The following GRIA4 variants were observed in gnomAD, a reference collection of about 807,000 sequenced individuals.
The protein encoded by GRIA4 is glutamate ionotropic receptor AMPA type subunit 4, also known as glutamate receptor 4.
A neutral mutation model predicts 104.0 loss-of-function variants in GRIA4; 34 were observed. The ratio of observed to expected loss-of-function variants is 0.33; its 90% CI spans 0.25 to 0.44. The LOEUF (loss-of-function observed/expected upper bound fraction) is 0.44, where lower values mean the gene tolerates loss of function less well. GRIA4 is among the 20% of genes least tolerant of loss of function. The pLI, the probability that GRIA4 is intolerant of heterozygous loss-of-function variation, is 1.00. For missense variants in GRIA4, 750 were observed against 1,096.5 expected (o/e 0.68, Z 4.46); for synonymous variants, 386 against 381.9 (o/e 1.01, Z -0.13).
chr11:105,726,440 G>A (rs985412505), intron 3 of GRIA4, among the ~76,000 whole-genome samples: 1 of 152,122 alleles, frequency 6.6e-6, no homozygotes, highest in Non-Finnish European at 1.5e-5. Context: ...AGGGCACCTG[G>A]GGGGAGGGGC....
chr11:105,633,631 T>G (rs569035730), intron 3 of GRIA4, among the ~76,000 whole-genome samples: 2 of 152,188 alleles, frequency 1.3e-5, no homozygotes, highest in Non-Finnish European at 2.9e-5. Flanking sequence ...AAAGAGTCTA[T>G]AGATGTAACT....
At chr11:105,679,198 A>T (rs1565458117) in intron 3 of GRIA4, among the ~76,000 whole-genome samples, 1 of 152,118 alleles carries the variant, frequency 6.6e-6, no homozygotes, top group African/African-American at 2.4e-5. Flanking sequence ...TGAGGATATC[A>T]GTCTTTATTT....
chr11:105,954,918 ATATATATATATAATGCCATATAAAATGT>A (rs1948547043), intron 14 of GRIA4, among the ~76,000 whole-genome samples: 2 of 148,876 alleles, frequency 1.3e-5, no homozygotes, highest in African/African-American at 4.9e-5. Flanking sequence ...ATTTATATAT[ATATATATATATAATGCCATATAAAATGT>A]TATATATATA....
At chr11:105,650,595 T>C (rs1488378060) in intron 3 of GRIA4, among the ~76,000 whole-genome samples, 1 of 152,144 alleles carries the variant, frequency 6.6e-6, no homozygotes, top group Non-Finnish European at 1.5e-5. Flanking sequence ...CTAATCAAAG[T>C]GTTTCAACTT....
At chr11:105,765,095 T>C (rs901238344) in intron 4 of GRIA4, among the ~76,000 whole-genome samples, 6 of 152,062 alleles carry the variant, frequency 3.9e-5, no homozygotes, top group African/African-American at 1.2e-4. Context: ...CTATATGGGG[T>C]CTAAGATTTG....
At chr11:105,730,583 A>G (rs1204050374) in intron 3 of GRIA4, among the ~76,000 whole-genome samples, 3 of 152,162 alleles carry the variant, frequency 2.0e-5, no homozygotes, top group Admixed American at 2.0e-4. Flanking sequence ...AATCCAAAGC[A>G]AAAAGAACAA....
intron 6 of GRIA4, among the ~76,000 whole-genome samples, chr11:105,887,895 G>A (rs1338735379): frequency 6.6e-6 from 1 of 152,050 alleles, no homozygotes; most frequent in Non-Finnish European, 1.5e-5. Flanking sequence ...CCAATATTTG[G>A]ATATTATAAG....
chr11:105,800,109 A>G (rs532257217), intron 4 of GRIA4, among the ~76,000 whole-genome samples: 8 of 152,144 alleles, frequency 5.3e-5, no homozygotes, highest in African/African-American at 1.9e-4. Flanking sequence ...AAGTAGGTCC[A>G]ATAGATTAAT....
intron 4 of GRIA4, among the ~76,000 whole-genome samples, chr11:105,843,349 G>T (rs1179583387): frequency 6.6e-6 from 1 of 152,106 alleles, no homozygotes; most frequent in Non-Finnish European, 1.5e-5. Context: ...ATACTACTGG[G>T]TTTATTTAAA....
At chr11:105,748,673 G>C (rs549239346) in intron 3 of GRIA4, among the ~76,000 whole-genome samples, 1 of 152,134 alleles carries the variant, frequency 6.6e-6, no homozygotes, top group East Asian at 1.9e-4. Context: ...ATGAGCCACC[G>C]CGCCCCGCCC....
chr11:105,956,795 C>T (rs1291341969), intron 14 of GRIA4, among the ~76,000 whole-genome samples: 1 of 152,154 alleles, frequency 6.6e-6, no homozygotes, highest in Admixed American at 6.5e-5. Context: ...TTAATGATTG[C>T]CATTCTAACT....
chr11:105,805,317 C>T (rs748489772), intron 4 of GRIA4, among the ~76,000 whole-genome samples: 2 of 151,074 alleles, frequency 1.3e-5, no homozygotes, highest in Admixed American at 1.3e-4. Context: ...ATAGAAAAGG[C>T]GAAGCGATCA....
chr11:105,893,894 T>C (rs1408964327), intron 6 of GRIA4, among the ~76,000 whole-genome samples: 1 of 152,196 alleles, frequency 6.6e-6, no homozygotes, highest in Admixed American at 6.6e-5. Context: ...TAGCTGGAGA[T>C]TGATGGACAG....
chr11:105,893,226 T>G (rs2136113692), intron 6 of GRIA4, among the ~76,000 whole-genome samples: 1 of 152,220 alleles, frequency 6.6e-6, no homozygotes, highest in South Asian at 2.1e-4. Context: ...ACCACTGATT[T>G]CTTCCTGACT....
intron 4 of GRIA4, among the ~76,000 whole-genome samples, chr11:105,769,032 A>G (rs1941085590): frequency 6.6e-6 from 1 of 152,098 alleles, no homozygotes; most frequent in African/African-American, 2.4e-5. Context: ...CTAGGGATCA[A>G]CATTCATGGA....
intron 14 of GRIA4, among the ~76,000 whole-genome samples, chr11:105,959,253 A>G (rs1245612344): frequency 6.6e-6 from 1 of 152,088 alleles, no homozygotes; most frequent in East Asian, 1.9e-4. Context: ...ACTCAAATCA[A>G]TCGTAGGTTC....
intron 14 of GRIA4, among the ~76,000 whole-genome samples, chr11:105,960,593 TGCC>T (rs1948716022): frequency 1.3e-5 from 2 of 152,188 alleles, no homozygotes; most frequent in Middle Eastern, 3.2e-3. Context: ...CAGTACTGGC[TGCC>T]GCCCCTCCCC....
chr11:105,628,303 A>G (rs1420465737), intron 3 of GRIA4, among the ~76,000 whole-genome samples: 1 of 152,230 alleles, frequency 6.6e-6, no homozygotes, highest in Non-Finnish European at 1.5e-5. Flanking sequence ...GAATAACTTT[A>G]TAAATCACTA....
intron 3 of GRIA4, among the ~76,000 whole-genome samples, chr11:105,632,923 A>T (rs1327473970): frequency 6.6e-6 from 1 of 152,208 alleles, no homozygotes; most frequent in African/African-American, 2.4e-5. Context: ...TACAAAATAA[A>T]ATGCACATTT....
Sources: allele counts gnomAD v4.1 joint callset (sites outside exome capture counted in the v4.1 genomes callset), GRCh38; gene constraint gnomAD v4.1.1; transcripts MANE v1.5; gene names NCBI Gene and HGNC (gene_info 2026-07-23, HGNC 2026-07-21).